Variants in L1CAM observed in about 807,000 individuals in gnomAD.
L1CAM encodes L1 cell adhesion molecule, also known as neural cell adhesion molecule L1.
In L1CAM, 8 loss-of-function variants were observed where a neutral mutation model predicts 93.0. That is an observed-to-expected ratio of 0.09 (90% CI 0.05 to 0.16). The LOEUF (loss-of-function observed/expected upper bound fraction) is 0.16, where lower values mean the gene tolerates loss of function less well. L1CAM is among the 10% of genes least tolerant of loss of function. The pLI is 1.00. For missense variants in L1CAM, 777 were observed against 1,073.4 expected (o/e 0.72, Z 3.86); for synonymous variants, 453 against 453.0 (o/e 1.00, Z 0.00).
chrX:153,863,391 C>G lies in L1CAM; in HGVS notation c.3531-12G>C, dbSNP rs111247323. The stretch of plus-strand genomic sequence containing the variant: ...ACCTCTCCAGGGACCTGAAGTCACC[C>G]GGCAGCACAGAGAAGAGAGAGAGGG... On this transcript the variant is annotated splice_polypyrimidine_tract_variant and intron_variant, in intron 27 of 28. Transcript: ENST00000370060. The G allele has an allele frequency of 2.2e-5, 26 of 1,209,140 alleles. No individual in the cohort carries two copies. Among genetic ancestry groups the G allele is most frequent in the African/African-American group, 1.4e-4 (8 of 56,898 alleles).
intron 11 of L1CAM, chrX:153,869,212 C>A: frequency 2.2e-6 from 1 of 448,357 alleles, no homozygotes; most frequent in Non-Finnish European, 3.9e-6. Context: ...TCCCCAGAAG[C>A]CTTCCTGGCC....
intron 28 of L1CAM, 56 bp downstream of exon 28, chrX:153,863,312 C>T: frequency 1.7e-6 from 2 of 1,161,293 alleles, no homozygotes; most frequent in South Asian, 3.6e-5. Flanking sequence ...ACACCAGGCG[C>T]ACATTGTCTA....
At chrX:153,874,712 A>G (rs782148223) in intron 2 of L1CAM, among the ~76,000 whole-genome samples, 2 of 112,400 alleles carry the variant, frequency 1.8e-5, no homozygotes, top group Non-Finnish European at 3.8e-5. Context: ...GTCCAGGCCC[A>G]GAGACAAAGG....
intron 1 of L1CAM, chrX:153,880,569 C>T (rs923574496): frequency 8.0e-5 from 26 of 326,995 alleles, no homozygotes; most frequent in African/African-American, 6.2e-4. Flanking sequence ...GCCTGGGGGG[C>T]TTCTGTGCCT....
chrX:153,866,633 C>G lies in L1CAM; in HGVS notation c.2431+16G>C, dbSNP rs1557090935. 1 of 1,182,180 alleles carries G rather than the reference C, an allele frequency of 8.5e-7. No homozygotes were observed. The highest frequency in any genetic ancestry group is 1.1e-6 in the Non-Finnish European group (1 of 870,768). On this transcript the variant is annotated intron_variant, in intron 19 of 28. Transcript: ENST00000370060. ...GCGAGCTCAACCGTGGGCGAGGGGCCCTGCCGGATACTCACAGTCCTCTCC... is the reference window on the plus strand; with the variant it reads ...GCGAGCTCAACCGTGGGCGAGGGGCGCTGCCGGATACTCACAGTCCTCTCC...
intron 1 of L1CAM, 44 bp from the exon 2 acceptor site, chrX:153,875,988 C>A: frequency 1.9e-6 from 1 of 513,311 alleles, no homozygotes; most frequent in Non-Finnish European, 3.4e-6. Flanking sequence ...GGAAGAGAGA[C>A]GAGAGAACGG....
At chrX:153,869,353 G>A (rs1166602168) in intron 11 of L1CAM, among the ~76,000 whole-genome samples, 167 bp downstream of exon 11, 3 of 112,263 alleles carry the variant, frequency 2.7e-5, no homozygotes, top group Non-Finnish European at 5.6e-5. Flanking sequence ...CTCGGCTATC[G>A]TGAGGCTGAG....
At chrX:153,869,434 T>C (rs781964270) in intron 11 of L1CAM, 86 bp downstream of exon 11, 14 of 1,088,763 alleles carry the variant, frequency 1.3e-5, no homozygotes, top group Non-Finnish European at 1.6e-5. Context: ...ACACATCAGC[T>C]GCCAGCTGAG....
intron 2 of L1CAM, chrX:153,875,548 C>T (rs1557094284): frequency 2.2e-5 from 11 of 506,245 alleles, no homozygotes; most frequent in Non-Finnish European, 3.9e-5. Context: ...GCGCCTGTCC[C>T]TGTCCATGGT....
At chrX:153,875,495 C>T (rs1436490316) in intron 2 of L1CAM, 3 of 472,492 alleles carry the variant, frequency 6.3e-6, no homozygotes, top group Non-Finnish European at 7.7e-6. Flanking sequence ...CGGGGCCCTG[C>T]TCCAGGTTCG....
Position 153,862,624 on chromosome X carries a change from C to T in L1CAM, c.*39G>A. The T allele has an allele frequency of 9.1e-7, 1 of 1,103,725 alleles. No homozygotes were observed. Among genetic ancestry groups the T allele is most frequent in the Non-Finnish European group, 1.2e-6 (1 of 806,996 alleles). 91.0% of individuals were successfully genotyped at this position (1,103,725 alleles called of 1,213,427 possible). A position where few individuals can be genotyped will look rare whatever the true frequency, so the allele number is the denominator to read the frequency against. On this transcript the variant is annotated 3_prime_UTR_variant, in exon 29 of 29. Transcript: ENST00000370060. ...TGCTGGAGAGGGAGGGGCCTGGATC[C>T]CAAGGCCAGGGGCACAGCATCTCCT...
Position 153,871,254 on chromosome X carries a change from G to C in L1CAM, c.401-75C>G. 6 of 884,853 alleles carry C rather than the reference G, an allele frequency of 6.8e-6. No individual in the cohort carries two copies. The South Asian group carries it at 1.1e-4, about 16-fold the overall frequency. The allele number at this position is 884,853 out of a possible 1,213,427, so 72.9% of individuals were successfully genotyped here. A position where few individuals can be genotyped will look rare whatever the true frequency, so the allele number is the denominator to read the frequency against. ...AGGCAGGAGAAGGGAGGTGGGGGCA[G>C]GGGGGTGGCGGGCTACACCAGGGAT... On this transcript the variant is annotated intron_variant, in intron 5 of 28. Coordinates refer to ENST00000370060, the MANE Select transcript of L1CAM (RefSeq NM_001278116.2).
rs201371159 is a variant in L1CAM at position 153,867,436 on chromosome X, G to A, written c.2057C>T (p.Thr686Ile). Residue 686 changes from threonine (T) to isoleucine (I), a missense_variant, in exon 17 of 29, where the codon ACC (threonine) becomes ATC (isoleucine). Around this residue, in one of 5 missense-constraint regions of L1CAM, gnomAD observed 574 missense variants for 781.0 expected, o/e 0.73. Transcript: ENST00000370060. ...TLKLSPYVHY[T>I]FRVTAINKYG... ...TTTGTTTATGGCAGTAACCCTAAAG[G>A]TGTAGTGGACATAGGGCGACAGCTT... 2 of 1,208,846 alleles carry A rather than the reference G, an allele frequency of 1.7e-6. No individual in the cohort carries two copies. Among genetic ancestry groups the A allele is most frequent in the Non-Finnish European group, 2.2e-6 (2 of 892,616 alleles).
chrX:153,862,945 G>C (rs782028847), intron 28 of L1CAM, 51 bp from the exon 29 acceptor site: 6 of 1,032,069 alleles, frequency 5.8e-6, no homozygotes. Flanking sequence ...AGCCCCTGCA[G>C]GAGCCTGGCT....
rs201882430 is a variant in L1CAM at position 153,869,630 on chromosome X, C to T, written c.1157G>A (p.Arg386His). 9 of 1,207,481 alleles carry T rather than the reference C, an allele frequency of 7.5e-6. No homozygotes were observed. In the East Asian group the frequency reaches 1.2e-4, roughly 16 times the overall value. Reference sequence around the variant, plus strand: ...CACGTTGCTCAGGATCAGGGCGCCACGCTGAATCCGGTACTTCTGGTCTTT... The same window carrying T: ...CACGTTGCTCAGGATCAGGGCGCCATGCTGAATCCGGTACTTCTGGTCTTT... The part of the protein sequence containing the change: ...LAKDQKYRIQ[R>H]GALILSNVQP... Residue 386 changes from arginine to histidine, a missense_variant, in exon 11 of 29, where the codon CGT becomes CAT. By Grantham distance (29) the Arg-to-His change is conservative. Around this residue, in one of 5 missense-constraint regions of L1CAM, gnomAD observed 574 missense variants for 781.0 expected, o/e 0.73. Coordinates refer to ENST00000370060, the MANE Select transcript of L1CAM (RefSeq NM_001278116.2).
rs200453445 is a variant in L1CAM at position 153,864,651 on chromosome X, C to T, written c.3100G>A (p.Val1034Ile). ...TGGCCCTCCTTGGGGACCCAGGAGA[C>T]GACACTGTAGTTTTCACCCGCTGTG... ...SATAGENYSV[V>I]SWVPKEGQCN... The change falls in exon 24 of 29, where the codon GTC (valine) becomes ATC (isoleucine). Residue 1034 changes from valine to isoleucine, a missense_variant. Coordinates refer to ENST00000370060, the MANE Select transcript of L1CAM (RefSeq NM_001278116.2). 2.5e-6 allele frequency: 3 copies of T among 1,210,980 alleles called. No homozygotes were observed. The highest frequency in any genetic ancestry group is 3.0e-5 in the East Asian group (1 of 33,818).
chrX:153,872,003 TG>T (rs1379939748), intron 5 of L1CAM, 148 bp downstream of exon 5: 28 of 488,001 alleles, frequency 5.7e-5, no homozygotes, highest in Non-Finnish European at 9.0e-5. Flanking sequence ...AGAAACAAGA[TG>T]GGCCAGGGGA....
intron 6 of L1CAM, 48 bp from the exon 7 acceptor site, chrX:153,871,008 C>T (rs781978055): frequency 2.5e-6 from 3 of 1,211,047 alleles, no homozygotes; most frequent in Non-Finnish European, 3.4e-6. Flanking sequence ...CAGGAAGACA[C>T]CCCCGCTAAC....
chrX:153,883,613 A>ACCCTAGATT lies in L1CAM; in HGVS notation c.-109+2451_-109+2452insAATCTAGGG, dbSNP rs782518992. The ACCCTAGATT allele has an allele frequency of 2.0e-3, 542 of 275,550 alleles. 1 individual carries two copies. The highest frequency in any genetic ancestry group is 3.3e-3 in the Non-Finnish European group (457 of 138,949). The allele number at this position is 275,550 out of a possible 1,213,427, so 22.7% of individuals were successfully genotyped here. On this transcript the variant is annotated intron_variant, in intron 1 of 28. Transcript: ENST00000370060. ...CAGGGCAATGAGCACCCTGCTGGGG[A>ACCCTAGATT]CCCTAGAAGGGCATCCAGACCCCCC...
Sources: gnomAD v4.1 joint callset for allele counts (sites outside exome capture counted in the v4.1 genomes callset) on GRCh38, gnomAD v4.1.1 for gene constraint, gnomAD v4.1.1 regional missense constraint, MANE v1.5 for transcripts, NCBI Gene and HGNC (gene_info 2026-07-23, HGNC 2026-07-21) for gene names.